The following ANKRD17 variants were observed in gnomAD, a reference collection of about 807,000 sequenced individuals.
The protein encoded by ANKRD17 is ankyrin repeat domain 17, also known as ankyrin repeat domain-containing protein 17.
ANKRD17 carries 19 observed loss-of-function variants against 229.7 expected under a neutral mutation model. The observed-to-expected ratio is 0.08, with a 90% CI of 0.06 to 0.12. ANKRD17 has a LOEUF of 0.12. Among genes scored for constraint, ANKRD17 ranks in the 10% least tolerant of loss-of-function variants. The pLI, the probability that ANKRD17 is intolerant of heterozygous loss-of-function variation, is 1.00. For synonymous variants in ANKRD17, 1,112 were observed against 1,146.1 expected (o/e 0.97, Z 0.60); for missense variants, 2,176 against 3,176.8 (o/e 0.68, Z 7.57).
chr4:73,122,603 G>C (rs942028845), intron 18 of ANKRD17, among the ~76,000 whole-genome samples: 1 of 152,030 alleles, frequency 6.6e-6, no homozygotes, highest in African/African-American at 2.4e-5. Flanking sequence ...GAGAAGTCAA[G>C]ACTGGCTCAA....
chr4:73,208,932 CTGGGCGCGGTGGCTCA>C (rs1340318579), intron 1 of ANKRD17, among the ~76,000 whole-genome samples: 1 of 152,064 alleles, frequency 6.6e-6, no homozygotes, highest in African/African-American at 2.4e-5. Context: ...ACAAAATAGG[CTGGGCGCGGTGGCTCA>C]TGCCTGCAAT....
At chr4:73,155,160 A>G (rs1731504415) in intron 5 of ANKRD17, among the ~76,000 whole-genome samples, 1 of 152,202 alleles carries the variant, frequency 6.6e-6, no homozygotes, top group Non-Finnish European at 1.5e-5. Context: ...TTTGAAAAAA[A>G]TATATATTTT....
Position 73,135,232 on chromosome 4 carries a change from G to A in ANKRD17, c.3119C>T (p.Thr1040Ile), listed in dbSNP as rs1256555039. ...GGATGCAGCAATACTGTGGGTAGGAGTGTTTGACATTGCAGATGCTCTTCC... is the reference window on the plus strand; with the variant it reads ...GGATGCAGCAATACTGTGGGTAGGAATGTTTGACATTGCAGATGCTCTTCC... ...VSGRASAMSN[T>I]PTHSIAASIS... The change falls in exon 16 of 34, where the codon ACT (threonine) becomes ATT (isoleucine). Residue 1040 changes from threonine to isoleucine, a missense_variant. By Grantham distance (89) the Thr-to-Ile change is moderately conservative. Transcript: ENST00000358602. The A allele has an allele frequency of 2.5e-6, 4 of 1,613,456 alleles. No homozygotes were observed. The Admixed American group carries it at 6.7e-5, about 27-fold the overall frequency.
intron 27 of ANKRD17, among the ~76,000 whole-genome samples, chr4:73,096,357 T>G (rs1560510528): frequency 6.6e-6 from 1 of 151,916 alleles, no homozygotes; most frequent in East Asian, 1.9e-4. Flanking sequence ...TGTGAAGGAG[T>G]GAAAGAAAGA....
At chr4:73,181,591 C>CTGGGCAT (rs1735552843) in intron 1 of ANKRD17, among the ~76,000 whole-genome samples, 1 of 152,028 alleles carries the variant, frequency 6.6e-6, no homozygotes, top group Admixed American at 6.6e-5. Context: ...TCTGCCATAC[C>CTGGGCAT]ACATCCCCAG....
At chr4:73,084,516 T>G (rs1721912772) in intron 30 of ANKRD17, among the ~76,000 whole-genome samples, 2 of 151,100 alleles carry the variant, frequency 1.3e-5, no homozygotes, top group African/African-American at 2.4e-5. Context: ...TGGTGTGATC[T>G]CGGCTCACTG....
At chr4:73,170,130 C>T (rs1733784035) in intron 2 of ANKRD17, among the ~76,000 whole-genome samples, 2 of 152,098 alleles carry the variant, frequency 1.3e-5, no homozygotes, top group African/African-American at 4.8e-5. Context: ...TCACCCCTCT[C>T]CCAACTTCAG....
chr4:73,113,106 G>C (rs1363238690), intron 24 of ANKRD17: 2 of 1,190,480 alleles, frequency 1.7e-6, no homozygotes, highest in Admixed American at 3.5e-5. Context: ...TTTTATAAAA[G>C]ATGAGATATG....
intron 3 of ANKRD17, among the ~76,000 whole-genome samples, chr4:73,157,970 A>G (rs75927529): frequency 0.11 from 16,681 of 151,868 alleles, 1,035 homozygotes; most frequent in South Asian, 0.17. Context: ...CGTGGCCTAT[A>G]GTCCCAGCTA....
At chr4:73,223,150 G>C in intron 1 of ANKRD17, 1 of 1,036,482 alleles carries the variant, frequency 9.6e-7, no homozygotes, top group South Asian at 1.6e-5. Flanking sequence ...AAGCAGCTTA[G>C]CTGTTCACTA....
In ANKRD17 at chr4:73,073,840, T is replaced by C. The variant is rs1720855225; in HGVS notation, c.*2391A>G. 1 of 152,018 alleles carries C rather than the reference T, an allele frequency of 6.6e-6. No individual in the cohort carries two copies. Among genetic ancestry groups the C allele is most frequent in the South Asian group, 2.1e-4 (1 of 4,832 alleles). The allele number at this position is 152,018 out of a possible 1,614,324, so 9.4% of individuals were successfully genotyped here. ...TACAATAATTGAGATATTAACTACT[T>C]GGGGATTTAAGGTGTGAACTAACCC... On this transcript the variant is annotated 3_prime_UTR_variant, in exon 34 of 34. Transcript: ENST00000358602.
chr4:73,098,811 G>A (rs541201587), intron 25 of ANKRD17: 1 of 1,513,624 alleles, frequency 6.6e-7, no homozygotes, highest in African/African-American at 1.4e-5. Context: ...CTGCTCCTTA[G>A]AGAAGGGAAG....
intron 1 of ANKRD17, among the ~76,000 whole-genome samples, chr4:73,202,318 T>TAAA (rs10533861): frequency 4.6e-5 from 1 of 21,902 alleles, no homozygotes; most frequent in African/African-American, 1.9e-4. Flanking sequence ...GGAACAGGAT[T>TAAA]AAAAAAAAAA....
chr4:73,138,886 C>G (rs1729250934), intron 15 of ANKRD17, among the ~76,000 whole-genome samples: 1 of 152,090 alleles, frequency 6.6e-6, no homozygotes, highest in Non-Finnish European at 1.5e-5. Context: ...TCTGGCTACA[C>G]ATCTAAAAAT....
chr4:73,206,254 A>T (rs934049184), intron 1 of ANKRD17, among the ~76,000 whole-genome samples: 2 of 152,184 alleles, frequency 1.3e-5, no homozygotes, highest in Admixed American at 1.3e-4. Flanking sequence ...AAGAAAATGA[A>T]ATCAGTCATA....
intron 30 of ANKRD17, among the ~76,000 whole-genome samples, chr4:73,082,993 A>T (rs370477347): frequency 3.2e-4 from 48 of 152,188 alleles, no homozygotes; most frequent in African/African-American, 1.2e-3. Context: ...TTTAGGGGCA[A>T]AAGGGCTTGA....
rs111396232 is a variant in ANKRD17, at chr4:73,209,202, G to A, written c.394-31669C>T. ...GTCTGGGTGACAGAACGAGACTCTG[G>A]GTCAAAAACAAAAAACAAAACAAAA... On this transcript the variant is annotated intron_variant, in intron 1 of 33. Transcript: ENST00000358602. Among the ~76,000 whole-genome samples, 286 of 151,368 alleles carry A rather than the reference G, an allele frequency of 1.9e-3. 1 individual carries two copies. Among genetic ancestry groups the A allele is most frequent in the African/African-American group, 6.6e-3 (274 of 41,238 alleles).
intron 7 of ANKRD17, among the ~76,000 whole-genome samples, chr4:73,149,727 C>T (rs982789887): frequency 1.3e-5 from 2 of 151,762 alleles, no homozygotes; most frequent in Non-Finnish European, 2.9e-5. Context: ...ATTAGCCAGG[C>T]GTGGTGGTGT....
chr4:73,103,587 T>C (rs1412855123), intron 24 of ANKRD17, among the ~76,000 whole-genome samples: 1 of 152,210 alleles, frequency 6.6e-6, no homozygotes, highest in Non-Finnish European at 1.5e-5. Flanking sequence ...ATCTAAAAGA[T>C]GTTTTTTAAA....
Sources: gnomAD v4.1 joint callset for allele counts (sites outside exome capture counted in the v4.1 genomes callset) on GRCh38, gnomAD v4.1.1 for gene constraint, MANE v1.5 for transcripts, NCBI Gene and HGNC (gene_info 2026-07-23, HGNC 2026-07-21) for gene names.